Variants in AHCTF1 observed in about 807,000 individuals in gnomAD.
AHCTF1 encodes the protein AT-hook containing transcription factor 1.
A neutral mutation model predicts 248.4 loss-of-function variants in AHCTF1; 24 were observed. The observed-to-expected ratio is 0.10, with a 90% CI of 0.07 to 0.14. The LOEUF (loss-of-function observed/expected upper bound fraction) is 0.14, where lower values mean the gene tolerates loss of function less well. AHCTF1 is among the 10% of genes least tolerant of loss of function. AHCTF1 has a pLI of 1.00. For synonymous variants in AHCTF1, 786 were observed against 929.8 expected, an observed-to-expected ratio of 0.85 and a Z score of 2.81; for missense variants, 2,206 against 2,636.2, an observed-to-expected ratio of 0.84 and a Z score of 3.57.
intron 13 of AHCTF1, 105 bp from the exon 14 acceptor site, chr1:246,894,853 C>T (rs1664458464): frequency 1.1e-6 from 1 of 899,144 alleles, no homozygotes; most frequent in Non-Finnish European, 1.8e-6. Flanking sequence ...ACCGAGTGAA[C>T]ATCAACACTT....
intron 10 of AHCTF1, 94 bp downstream of exon 10, chr1:246,899,971 C>T (rs1419553851): frequency 4.8e-6 from 6 of 1,253,338 alleles, no homozygotes; most frequent in Non-Finnish European, 6.7e-6. Context: ...GAGATACAAA[C>T]AGATAACACT....
intron 25 of AHCTF1, 33 bp from the exon 26 acceptor site, chr1:246,867,384 C>G: frequency 7.3e-7 from 1 of 1,365,944 alleles, no homozygotes; most frequent in Non-Finnish European, 1.0e-6. Flanking sequence ...TCTGATGTAT[C>G]ACAAGGAGCA....
At position 246,906,106 on chromosome 1, in the gene AHCTF1, C is replaced by T. The variant is rs1486597625; in HGVS notation, c.765-449G>A. The stretch of plus-strand genomic sequence containing the variant: ...GAGATACTGCCACGAGACTTTTCAG[C>T]TGTTTGGGTTTAGCATCAGTTTCCC... On this transcript the variant is annotated intron_variant, in intron 5 of 35. Coordinates refer to ENST00000648844, the MANE Select transcript of AHCTF1 (RefSeq NM_001323342.2). Among the ~76,000 whole-genome samples, 5 of 152,172 alleles carry T rather than the reference C, an allele frequency of 3.3e-5. No homozygotes were observed. In the South Asian group the frequency reaches 6.2e-4, roughly 19 times the overall value.
intron 4 of AHCTF1, among the ~76,000 whole-genome samples, chr1:246,910,930 T>C (rs1484038298): frequency 1.3e-5 from 2 of 152,270 alleles, no homozygotes; most frequent in African/African-American, 4.8e-5. Context: ...ACAATATTTA[T>C]GCTGTATGTT....
In AHCTF1 at chr1:246,900,062, T is replaced by C; in HGVS notation, c.1432+3A>G. ...TAAGAGGTAATGTTAAGGAAATACA[T>C]ACCAAAATTATAAGTGCTTGGATTA... is the stretch of plus-strand genomic sequence containing the variant. On this transcript the variant is annotated splice_donor_region_variant and intron_variant, in intron 10 of 35. Coordinates refer to ENST00000648844, the MANE Select transcript of AHCTF1 (RefSeq NM_001323342.2). The C allele has an allele frequency of 6.2e-7, 1 of 1,602,398 alleles. No individual in the cohort carries two copies.
Position 246,863,839 on chromosome 1 carries a change from T to G in AHCTF1, c.3540+85A>C. On this transcript the variant is annotated intron_variant, in intron 27 of 35. Coordinates refer to ENST00000648844, the MANE Select transcript of AHCTF1 (RefSeq NM_001323342.2). Reference sequence around the variant, plus strand: ...CCCAGCACTCCCCAAGCGTATCAGTTATAAATTGCTTATTTTTCTCCTTGC... The same window carrying G: ...CCCAGCACTCCCCAAGCGTATCAGTGATAAATTGCTTATTTTTCTCCTTGC... 5.8e-6 allele frequency: 8 copies of G among 1,379,112 alleles called. No individual in the cohort carries two copies. The South Asian group carries it at 6.1e-5, about 10-fold the overall frequency. 85.4% of individuals were successfully genotyped at this position (1,379,112 alleles called of 1,614,324 possible).
chr1:246,861,915 T>G, intron 28 of AHCTF1, 44 bp downstream of exon 28: 1 of 1,519,012 alleles, frequency 6.6e-7, no homozygotes, highest in Non-Finnish European at 9.0e-7. Context: ...GCTAATACAT[T>G]CTTATTAAAA....
chr1:246,912,418 G>C (rs2103211879), intron 4 of AHCTF1, among the ~76,000 whole-genome samples: 1 of 151,850 alleles, frequency 6.6e-6, no homozygotes, highest in East Asian at 1.9e-4. Context: ...GGGAGGCGGA[G>C]GTTGCAGTGA....
Position 246,885,530 on chromosome 1 carries a change from C to T in AHCTF1, c.2623G>A (p.Asp875Asn), listed in dbSNP as rs535535680. ...TMKPTVSSGN[D>N]VILHLTVLLF... ...AAAACAGTGAGGTGAAGGATAACAT[C>T]GTTACCACTGGACACTGTTGGCTTC... Residue 875 changes from aspartate to asparagine, a missense_variant, in exon 21 of 36, where the codon GAT becomes AAT. By Grantham distance (23) the Asp-to-Asn change is conservative. This residue lies in a region of AHCTF1 where 650 missense variants were observed against 870.8 expected (regional missense o/e 0.75). Coordinates refer to ENST00000648844, the MANE Select transcript of AHCTF1 (RefSeq NM_001323342.2). The T allele has an allele frequency of 2.5e-5, 40 of 1,606,488 alleles. No homozygotes were observed. The East Asian group carries it at 8.5e-4, about 34-fold the overall frequency.
At chr1:246,854,874 A>AT (rs1185476043) in intron 31 of AHCTF1, among the ~76,000 whole-genome samples, 1 of 152,324 alleles carries the variant, frequency 6.6e-6, no homozygotes, top group East Asian at 1.9e-4. Context: ...CTCTTCCAAC[A>AT]TATCGGGAGA....
At chr1:246,868,253 C>T (rs150822349) in intron 24 of AHCTF1, among the ~76,000 whole-genome samples, 4,402 of 152,036 alleles carry the variant, frequency 0.029, 178 homozygotes, top group African/African-American at 0.095. Context: ...CTTAGCCTCC[C>T]GAGTAGCTGG....
At chr1:246,911,929 G>GT (rs529562509) in intron 4 of AHCTF1, among the ~76,000 whole-genome samples, 69 of 151,570 alleles carry the variant, frequency 4.6e-4, no homozygotes, top group African/African-American at 1.6e-3. Flanking sequence ...ATCACTTGCA[G>GT]TTTTTTTGTT....
intron 33 of AHCTF1, 109 bp downstream of exon 33, chr1:246,849,506 G>T (rs1033895754): frequency 9.9e-6 from 14 of 1,411,514 alleles, no homozygotes; most frequent in Non-Finnish European, 1.3e-5. Context: ...TTTGGTTTGA[G>T]GGGGGAAGGG....
At chr1:246,918,012 C>A (rs1184769607) in intron 2 of AHCTF1, among the ~76,000 whole-genome samples, 1 of 151,938 alleles carries the variant, frequency 6.6e-6, no homozygotes, top group African/African-American at 2.4e-5. Flanking sequence ...TACTAAGATA[C>A]AAAACACATG....
chr1:246,867,921 A>G (rs1293299886), intron 24 of AHCTF1, 110 bp from the exon 25 acceptor site: 2 of 397,848 alleles, frequency 5.0e-6, no homozygotes, highest in Non-Finnish European at 7.7e-6. Context: ...ACACACACAC[A>G]TTACGTGGTA....
At chr1:246,878,960 G>A (rs942660831) in intron 21 of AHCTF1, among the ~76,000 whole-genome samples, 1 of 152,166 alleles carries the variant, frequency 6.6e-6, no homozygotes, top group African/African-American at 2.4e-5. Context: ...GTGTGTTCAT[G>A]TGCACAGAAA....
intron 32 of AHCTF1, among the ~76,000 whole-genome samples, chr1:246,852,718 T>C (rs1660801769): frequency 6.6e-6 from 1 of 152,186 alleles, no homozygotes; most frequent in African/African-American, 2.4e-5. Flanking sequence ...ATGGCTTCTT[T>C]AACACTTCCT....
intron 33 of AHCTF1, among the ~76,000 whole-genome samples, chr1:246,844,805 C>CTTT (rs11370838): frequency 4.2e-5 from 6 of 141,898 alleles, no homozygotes; most frequent in East Asian, 2.0e-4. Context: ...ACCACACAGA[C>CTTT]TTTTTTTTTT....
chr1:246,887,224 T>C lies in AHCTF1; in HGVS notation c.2459A>G (p.His820Arg). The C allele has an allele frequency of 1.2e-6, 2 of 1,612,132 alleles. No individual in the cohort carries two copies. Among genetic ancestry groups the C allele is most frequent in the South Asian group, 1.1e-5 (1 of 90,580 alleles). ...KLIQGFWLID[H>R]NDYESGLDLL... ...GAATAGACTTACCTCATAGTCATTA[T>C]GATCTATCAACCAAAACCCCTGAAT... The change falls in exon 20 of 36, where the codon CAT becomes CGT. Residue 820 changes from histidine (H) to arginine (R), a missense_variant. Physicochemically the swap from His to Arg is conservative, Grantham distance 29. Coordinates refer to ENST00000648844, the MANE Select transcript of AHCTF1 (RefSeq NM_001323342.2).
Sources: allele counts gnomAD v4.1 joint callset (sites outside exome capture counted in the v4.1 genomes callset), GRCh38; gene constraint gnomAD v4.1.1; regional missense constraint gnomAD v4.1.1; transcripts MANE v1.5; gene names NCBI Gene and HGNC (gene_info 2026-07-23, HGNC 2026-07-21).